Variants in UTRN observed in about 807,000 individuals in gnomAD.
The protein encoded by UTRN is utrophin, also known as dystrophin-related protein 1.
Under a neutral mutation model 463.9 loss-of-function variants are expected in UTRN, and 283 were observed. The observed-to-expected ratio is 0.61, with a 90% CI of 0.55 to 0.67. UTRN has a LOEUF of 0.67. Ranked by LOEUF, UTRN falls within the 30% of genes least tolerant of loss-of-function variation. UTRN has a pLI of 0.00. For missense variants in UTRN, 3,922 were observed against 4,084.3 expected (o/e 0.96, Z 1.08); for synonymous variants, 1,442 against 1,431.5 (o/e 1.01, Z -0.17).
intron 34 of UTRN, among the ~76,000 whole-genome samples, chr6:144,504,794 C>G (rs1219760479): frequency 6.6e-6 from 1 of 152,112 alleles, no homozygotes; most frequent in African/African-American, 2.4e-5. Context: ...AGGGAGGAGT[C>G]CCTCTCTTTC....
At chr6:144,454,100 G>T (rs769039311) in intron 19 of UTRN, among the ~76,000 whole-genome samples, 3 of 152,010 alleles carry the variant, frequency 2.0e-5, no homozygotes, top group Non-Finnish European at 4.4e-5. Flanking sequence ...ATGGGGTCGG[G>T]GCTGGATACC....
intron 53 of UTRN, among the ~76,000 whole-genome samples, chr6:144,725,046 C>T (rs980979385): frequency 2.6e-5 from 4 of 152,208 alleles, no homozygotes; most frequent in African/African-American, 9.7e-5. Context: ...TATGGTTTGG[C>T]TCTGTGTCCC....
intron 53 of UTRN, among the ~76,000 whole-genome samples, chr6:144,704,311 T>C (rs1038492062): frequency 6.6e-6 from 1 of 152,164 alleles, no homozygotes; most frequent in African/African-American, 2.4e-5. Context: ...CTTCCAAAAA[T>C]GGACAATAAA....
intron 51 of UTRN, chr6:144,583,641 A>T: frequency 1.7e-6 from 1 of 572,942 alleles, no homozygotes. Flanking sequence ...GGTGTCTGAC[A>T]GTTCTACTGT....
chr6:144,611,377 G>A (rs1192555458), intron 51 of UTRN, among the ~76,000 whole-genome samples: 2 of 152,314 alleles, frequency 1.3e-5, no homozygotes, highest in African/African-American at 4.8e-5. Context: ...AGCGATTAGG[G>A]AAGGGAAAGA....
chr6:144,473,433 G>C (rs1320532261), intron 23 of UTRN, among the ~76,000 whole-genome samples: 1 of 152,016 alleles, frequency 6.6e-6, no homozygotes, highest in Non-Finnish European at 1.5e-5. Flanking sequence ...TTTTTTCCCT[G>C]TAATTTGCAT....
At chr6:144,463,168 T>G (rs1355757496) in intron 23 of UTRN, among the ~76,000 whole-genome samples, 1 of 152,180 alleles carries the variant, frequency 6.6e-6, no homozygotes, top group Non-Finnish European at 1.5e-5. Flanking sequence ...TACAGACTGT[T>G]GATTAGATTA....
At chr6:144,754,876 A>G in intron 57 of UTRN, 78 bp downstream of exon 57, 1 of 1,356,802 alleles carries the variant, frequency 7.4e-7, no homozygotes, top group South Asian at 1.3e-5. Flanking sequence ...AAGAAGCCGT[A>G]TTCCTTGCTA....
chr6:144,818,122 T>G (rs1265568089), intron 65 of UTRN, among the ~76,000 whole-genome samples: 2 of 152,180 alleles, frequency 1.3e-5, no homozygotes, highest in Non-Finnish European at 2.9e-5. Context: ...ATGTTGGAAC[T>G]CAAATATAGA....
intron 50 of UTRN, among the ~76,000 whole-genome samples, chr6:144,569,693 T>C (rs1800759749): frequency 6.6e-6 from 1 of 152,152 alleles, no homozygotes; most frequent in Admixed American, 6.5e-5. Flanking sequence ...AAGAAAACAA[T>C]TGCTTACTGT....
chr6:144,851,211 C>G lies in UTRN; in HGVS notation c.*214C>G. On this transcript the variant is annotated 3_prime_UTR_variant, in exon 75 of 75. Transcript: ENST00000367545. ...AATAACCATATATTATTGTTTTCTT[C>G]TTCCCTTTCTATGCAAGTGTAAATT... 1.7e-6 allele frequency: 1 copy of G among 602,756 alleles called. No individual in the cohort carries two copies. The highest frequency in any genetic ancestry group is 2.9e-6 in the Non-Finnish European group (1 of 343,562). The allele number at this position is 602,756 out of a possible 1,614,324, so 37.3% of individuals were successfully genotyped here. A position where few individuals can be genotyped will look rare whatever the true frequency, so the allele number is the denominator to read the frequency against.
chr6:144,322,884 A>C (rs1353694742), intron 2 of UTRN, among the ~76,000 whole-genome samples: 1 of 151,274 alleles, frequency 6.6e-6, no homozygotes, highest in South Asian at 2.1e-4. Flanking sequence ...CGGAGCTTGC[A>C]GTGAGCCGAG....
At chr6:144,785,416 G>T (rs934368683) in intron 61 of UTRN, among the ~76,000 whole-genome samples, 2 of 152,090 alleles carry the variant, frequency 1.3e-5, no homozygotes, top group Admixed American at 1.3e-4. Context: ...AACCTTGCCC[G>T]TTGAGACAGG....
rs753561320 is a variant in UTRN, at chr6:144,730,501, T to G, written c.7939+15T>G. 6.3e-7 allele frequency: 1 copy of G among 1,588,104 alleles called. No homozygotes were observed. Among genetic ancestry groups the G allele is most frequent in the Admixed American group, 1.8e-5 (1 of 56,358 alleles). On this transcript the variant is annotated intron_variant, in intron 54 of 74. Transcript: ENST00000367545. ...ATCAAAAACAGGTGAGACTGGTTTCTCCACTACATCATAAAAACACATGCT... is the reference window on the plus strand; with the variant it reads ...ATCAAAAACAGGTGAGACTGGTTTCGCCACTACATCATAAAAACACATGCT...
intron 2 of UTRN, among the ~76,000 whole-genome samples, chr6:144,326,400 C>G (rs898538841): frequency 6.6e-6 from 1 of 151,912 alleles, no homozygotes; most frequent in African/African-American, 2.4e-5. Flanking sequence ...TCTGCCAGGC[C>G]TGAGAAGCTT....
At chr6:144,831,548 A>T (rs1221321452) in intron 69 of UTRN, among the ~76,000 whole-genome samples, 1 of 152,242 alleles carries the variant, frequency 6.6e-6, no homozygotes. Flanking sequence ...ATCCAGAAAG[A>T]TAAATGACAT....
intron 23 of UTRN, among the ~76,000 whole-genome samples, chr6:144,473,473 G>A (rs1279908921): frequency 1.3e-5 from 2 of 152,092 alleles, no homozygotes; most frequent in Non-Finnish European, 2.9e-5. Flanking sequence ...TTGCATTTAA[G>A]CAAAAAGAGC....
At position 144,488,667 on chromosome 6, in the gene UTRN, G is replaced by C. The variant is rs758697677; in HGVS notation, c.3973-6G>C. ...CAACTAATGATTCAATTTCTCCTTT[G>C]TGCAGGCAGAGAGCAAGCAGATTTC... On this transcript the variant is annotated splice_polypyrimidine_tract_variant and splice_region_variant and intron_variant, in intron 29 of 74. Transcript: ENST00000367545. 6.8e-6 allele frequency: 11 copies of C among 1,610,412 alleles called. No homozygotes were observed. Among genetic ancestry groups the C allele is most frequent in the Non-Finnish European group, 8.5e-6 (10 of 1,177,938 alleles).
intron 51 of UTRN, among the ~76,000 whole-genome samples, chr6:144,673,530 G>T (rs923775724): frequency 7.2e-5 from 11 of 151,876 alleles, no homozygotes; most frequent in Admixed American, 5.2e-4. Context: ...ATTTTTATGA[G>T]TCCTTATGTG....
Sources: gnomAD v4.1 joint callset for allele counts (sites outside exome capture counted in the v4.1 genomes callset) on GRCh38, gnomAD v4.1.1 for gene constraint, MANE v1.5 for transcripts, NCBI Gene and HGNC (gene_info 2026-07-23, HGNC 2026-07-21) for gene names.